The following PLA2G4D variants were observed in gnomAD, a reference collection of about 807,000 sequenced individuals.
PLA2G4D encodes the protein phospholipase A2 group IVD, also known as cytosolic phospholipase A2 delta.
A neutral mutation model predicts 94.4 loss-of-function variants in PLA2G4D; 80 were observed. The observed-to-expected ratio is 0.85, with a 90% CI of 0.71 to 1.02. The LOEUF is 1.02. Ranked by LOEUF, PLA2G4D falls within the 50% of genes least tolerant of loss-of-function variation. PLA2G4D has a pLI of 0.00. For missense variants in PLA2G4D, 1,050 were observed against 1,034.7 expected (o/e 1.01, Z -0.20); for synonymous variants, 438 against 440.9 (o/e 0.99, Z 0.08).
intron 1 of PLA2G4D, among the ~76,000 whole-genome samples, chr15:42,092,099 T>C (rs543281661): frequency 1.3e-5 from 2 of 152,300 alleles, no homozygotes; most frequent in Admixed American, 1.3e-4. Context: ...TTCTAAACTC[T>C]CTCGTCACCG....
rs766510299 is a variant in PLA2G4D at position 42,071,095 on chromosome 15, C to A, written c.1876+28G>T. On this transcript the variant is annotated intron_variant, in intron 17 of 19. Transcript: ENST00000290472. Reference sequence around the variant, plus strand: ...ACCACCCAGAGGCCCAACCTTGTGACCTAGGGACCCCTGGCCACGGCCCTG... The same window carrying A: ...ACCACCCAGAGGCCCAACCTTGTGAACTAGGGACCCCTGGCCACGGCCCTG... 3.1e-6 allele frequency: 5 copies of A among 1,594,734 alleles called. No homozygotes were observed. In the East Asian group the frequency reaches 6.7e-5, roughly 21 times the overall value.
intron 5 of PLA2G4D, 54 bp from the exon 6 acceptor site, chr15:42,085,192 C>A (rs1357125624): frequency 1.9e-6 from 3 of 1,605,676 alleles, no homozygotes; most frequent in East Asian, 4.5e-5. Context: ...ACCTCCCGCT[C>A]CCGCCCATGT....
At chr15:42,080,645 G>T (rs967831575) in intron 12 of PLA2G4D, among the ~76,000 whole-genome samples, 2 of 152,214 alleles carry the variant, frequency 1.3e-5, no homozygotes, top group Admixed American at 1.3e-4. Flanking sequence ...CCCACGCGGT[G>T]TGTGCTAGGA....
chr15:42,084,038 A>G lies in PLA2G4D; in HGVS notation c.472-259T>C. On this transcript the variant is annotated intron_variant, in intron 6 of 19. Coordinates refer to ENST00000290472, the MANE Select transcript of PLA2G4D (RefSeq NM_178034.4). The surrounding 1 kb of genome is among the most constrained non-coding windows in gnomAD (Gnocchi z 4.8). ...CCCCTGGCTTTGCCAAACTCCCGAAACCTCCTAGAGCGCCCAGCCCTCAGA... is the reference window on the plus strand; with the variant it reads ...CCCCTGGCTTTGCCAAACTCCCGAAGCCTCCTAGAGCGCCCAGCCCTCAGA... The G allele has an allele frequency of 4.1e-6, 2 of 489,808 alleles. No homozygotes were observed. Among genetic ancestry groups the G allele is most frequent in the South Asian group, 2.8e-5 (1 of 36,010 alleles). The allele number at this position is 489,808 out of a possible 1,614,324, so 30.3% of individuals were successfully genotyped here.
chr15:42,070,750 G>C lies in PLA2G4D; in HGVS notation c.2010C>G (p.Leu670=), dbSNP rs569173109. Residue 670 remains leucine (L), a synonymous_variant, in exon 18 of 20, where the codon CTC becomes CTG. Coordinates refer to ENST00000290472, the MANE Select transcript of PLA2G4D (RefSeq NM_178034.4). ...GCGCAGATAGGGAGTAGTCGAAGGA[G>C]AGGATGAGGTCCAGCCTGCGGCCTG... ...FRPGRRLDLI[L]SFDYSLSAPF... is the part of the protein sequence containing the mutation. The C allele has an allele frequency of 6.3e-7, 1 of 1,574,866 alleles. No homozygotes were observed. Among genetic ancestry groups the C allele is most frequent in the Non-Finnish European group, 8.6e-7 (1 of 1,159,100 alleles).
At position 42,086,358 on chromosome 15, in the gene PLA2G4D, A is replaced by T. The variant is rs371267403; in HGVS notation, c.256-14T>A. On this transcript the variant is annotated splice_polypyrimidine_tract_variant and intron_variant, in intron 3 of 19. Coordinates refer to ENST00000290472, the MANE Select transcript of PLA2G4D (RefSeq NM_178034.4). ...CTCCAGAACATTCTAGGAACCAGGA[A>T]CAGCGACTTAGCATTTTACCTGCTC... The T allele has an allele frequency of 3.7e-6, 6 of 1,612,520 alleles. No homozygotes were observed. The highest frequency in any genetic ancestry group is 5.1e-6 in the Non-Finnish European group (6 of 1,179,862).
At position 42,071,255 on chromosome 15, in the gene PLA2G4D, C is replaced by T; in HGVS notation, c.1744G>A (p.Gly582Ser). Residue 582 changes from glycine (G) to serine (S), a missense_variant, in exon 17 of 20, where the codon GGC (glycine) becomes AGC (serine). Transcript: ENST00000290472. ...TTAAATGCCTGGGCCAGCGCCGTGC[C>T]TGGCTGCAGCCACGAGGCCTCCAGC... ...SRLEASWLQPGTALAQAFKGF... is the reference protein window; with the variant it reads ...SRLEASWLQPSTALAQAFKGF... 1 of 1,608,450 alleles carries T rather than the reference C, an allele frequency of 6.2e-7. No homozygotes were observed. Among genetic ancestry groups the T allele is most frequent in the Non-Finnish European group, 8.5e-7 (1 of 1,178,452 alleles).
Position 42,070,847 on chromosome 15 carries a change from G to A in PLA2G4D, c.1913C>T (p.Pro638Leu). ...QLDSMPSQLT[P>L]KEPRLCLVDA... is the part of the protein sequence containing the mutation. ...CACCAGGCAGAGCCGGGGCTCCTTG[G>A]GGGTCAGCTGGCTGGGCATGGAGTC... The change falls in exon 18 of 20, where the codon CCC becomes CTC. Residue 638 changes from proline to leucine, a missense_variant. Pro to Leu is a moderately conservative substitution (Grantham distance 98). Transcript: ENST00000290472. The A allele has an allele frequency of 6.2e-7, 1 of 1,611,928 alleles. No homozygotes were observed. Among genetic ancestry groups the A allele is most frequent in the Non-Finnish European group, 8.5e-7 (1 of 1,179,156 alleles).
chr15:42,087,647 G>A lies in PLA2G4D; in HGVS notation c.99C>T (p.Asn33=), dbSNP rs759573272. 2.5e-6 allele frequency: 4 copies of A among 1,614,182 alleles called. No individual in the cohort carries two copies. The highest frequency in any genetic ancestry group is 4.5e-5 in the East Asian group (2 of 44,876). The change falls in exon 2 of 20, where the codon AAC becomes AAT. Residue 33 remains asparagine (N), a synonymous_variant. Transcript: ENST00000290472. ...QLTVRVLEAR[N]LRWADLLSEA... ...ACTCACACAGGTCAGCCCAGCGCAGGTTCCGCGCCTCCAGGACCCTCACTG... is the reference window on the plus strand; with the variant it reads ...ACTCACACAGGTCAGCCCAGCGCAGATTCCGCGCCTCCAGGACCCTCACTG...
intron 13 of PLA2G4D, among the ~76,000 whole-genome samples, chr15:42,075,206 T>C (rs1050134505): frequency 6.6e-6 from 1 of 152,216 alleles, no homozygotes; most frequent in Admixed American, 6.5e-5. Context: ...AATTAAAAAA[T>C]GTCTTCTAAA....
intron 13 of PLA2G4D, among the ~76,000 whole-genome samples, chr15:42,078,530 G>C (rs1481349931): frequency 6.6e-6 from 1 of 152,188 alleles, no homozygotes; most frequent in Non-Finnish European, 1.5e-5. Flanking sequence ...AACAAATAAG[G>C]ATGGTAGTTT....
At chr15:42,076,003 G>A (rs914758184) in intron 13 of PLA2G4D, among the ~76,000 whole-genome samples, 3 of 152,134 alleles carry the variant, frequency 2.0e-5, no homozygotes, top group Non-Finnish European at 4.4e-5. Flanking sequence ...AGAGAATTCT[G>A]AAGAACAATT....
At position 42,071,495 on chromosome 15, in the gene PLA2G4D, T is replaced by G. The variant is rs776227820; in HGVS notation, c.1630A>C (p.Ser544Arg). ...TGCTGTTTCCAGGACTCCCCAGAACTGGTGAGGTCATACCAGGCATCCAGC... is the reference window on the plus strand; with the variant it reads ...TGCTGTTTCCAGGACTCCCCAGAACGGGTGAGGTCATACCAGGCATCCAGC... ...NLLDAWYDLT[S>R]SGESWKQHIK... The change falls in exon 16 of 20, where the codon AGT (serine) becomes CGT (arginine). Residue 544 changes from serine to arginine, a missense_variant. Ser to Arg is a moderately radical substitution (Grantham distance 110, BLOSUM62 -1). Coordinates refer to ENST00000290472, the MANE Select transcript of PLA2G4D (RefSeq NM_178034.4). 6.2e-7 allele frequency: 1 copy of G among 1,613,930 alleles called. No individual in the cohort carries two copies. Among genetic ancestry groups the G allele is most frequent in the African/African-American group, 1.3e-5 (1 of 75,002 alleles).
chr15:42,083,955 T>A, intron 6 of PLA2G4D, 176 bp from the exon 7 acceptor site: 1 of 615,690 alleles, frequency 1.6e-6, no homozygotes, highest in Non-Finnish European at 2.9e-6. Context: ...CTGCCGCGGC[T>A]GAACCTGATA....
rs1297813880 is a variant in PLA2G4D at position 42,071,799 on chromosome 15, C to T, written c.1548G>A (p.Pro516=). The T allele has an allele frequency of 6.8e-6, 11 of 1,614,016 alleles. No individual in the cohort carries two copies. Among genetic ancestry groups the T allele is most frequent in the Admixed American group, 5.0e-5 (3 of 60,012 alleles). The change falls in exon 15 of 20, where the codon CCG becomes CCA. Residue 516 remains proline, a synonymous_variant. Coordinates refer to ENST00000290472, the MANE Select transcript of PLA2G4D (RefSeq NM_178034.4). ...CTTCCAGAAAGCAGATCCGGGGCTCCGGGATCCTCCTCATCAGCCGTCCCA... is the reference window on the plus strand; with the variant it reads ...CTTCCAGAAAGCAGATCCGGGGCTCTGGGATCCTCCTCATCAGCCGTCCCA... The part of the protein sequence containing the change: ...FFMGRLMRRI[P]EPRICFLEAI...
intron 17 of PLA2G4D, 101 bp from the exon 18 acceptor site, chr15:42,070,984 T>C: frequency 6.6e-7 from 1 of 1,517,278 alleles, no homozygotes; most frequent in Non-Finnish European, 8.9e-7. Context: ...ACCCAGCCCT[T>C]CCCCAGGACC....
rs12906547 is a variant in PLA2G4D, at chr15:42,070,100, T to C, written c.2044-5A>G. ...CAGCTCCGTCTGCTGCAGTGCCTGG[T>C]GGGGAGAAGGTGGCCCGGAGAGAAC... On this transcript the variant is annotated splice_polypyrimidine_tract_variant and splice_region_variant and intron_variant, in intron 18 of 19. Coordinates refer to ENST00000290472, the MANE Select transcript of PLA2G4D (RefSeq NM_178034.4). 55 of 1,495,696 alleles carry C rather than the reference T, an allele frequency of 3.7e-5. No individual in the cohort carries two copies. Among genetic ancestry groups the C allele is most frequent in the Non-Finnish European group, 4.2e-5 (47 of 1,126,648 alleles). 92.7% of individuals were successfully genotyped at this position (1,495,696 alleles called of 1,614,324 possible). A position where few individuals can be genotyped will look rare whatever the true frequency, so the allele number is the denominator to read the frequency against.
intron 7 of PLA2G4D, 114 bp from the exon 8 acceptor site, chr15:42,083,448 C>T (rs551862317): frequency 3.0e-5 from 43 of 1,446,348 alleles, no homozygotes; most frequent in East Asian, 2.7e-4. Flanking sequence ...GCTGGGCCAT[C>T]GTCAACAGCA....
At chr15:42,071,681 C>CAGGG in intron 15 of PLA2G4D, 93 bp downstream of exon 15, 1 of 903,208 alleles carries the variant, frequency 1.1e-6, no homozygotes, top group Non-Finnish European at 1.7e-6. Context: ...TCCCCCTTGT[C>CAGGG]CTGAGGTTCT....
Sources: gnomAD v4.1 joint callset for allele counts (sites outside exome capture counted in the v4.1 genomes callset) on GRCh38, gnomAD v4.1.1 for gene constraint, Gnocchi (gnomAD v3.1) non-coding constraint, MANE v1.5 for transcripts, NCBI Gene and HGNC (gene_info 2026-07-23, HGNC 2026-07-21) for gene names.